GALNT7: variants seen among roughly 807,000 people sequenced by gnomAD.
GALNT7 encodes the protein polypeptide N-acetylgalactosaminyltransferase 7.
GALNT7 carries 60 observed loss-of-function variants against 82.1 expected under a neutral mutation model. That is an observed-to-expected ratio of 0.73 (90% confidence interval 0.59 to 0.91). The LOEUF is 0.91. Ranked by LOEUF, GALNT7 falls within the 40% of genes least tolerant of loss-of-function variation. The probability of loss-of-function intolerance (pLI) is 0.00; values close to 1 mark genes in which losing one functional copy is unlikely to be tolerated. For missense variants in GALNT7, 660 were observed against 804.2 expected, an observed-to-expected ratio of 0.82 and a Z score of 2.17; for synonymous variants, 243 against 275.1, an observed-to-expected ratio of 0.88 and a Z score of 1.15.
At chr4:173,261,347 G>A (rs1735251949) in intron 2 of GALNT7, among the ~76,000 whole-genome samples, 1 of 152,010 alleles carries the variant, frequency 6.6e-6, no homozygotes, top group East Asian at 1.9e-4. Context: ...GACAAGGGAA[G>A]GGTGTGCAAA....
chr4:173,248,491 A>T (rs1383710428), intron 2 of GALNT7, 51 bp downstream of exon 2: 3 of 1,086,848 alleles, frequency 2.8e-6, no homozygotes, highest in Non-Finnish European at 4.0e-6. Flanking sequence ...TTGTTTTCAT[A>T]GGTTTTTAGG....
At chr4:173,295,277 C>G in intron 3 of GALNT7, 119 bp from the exon 4 acceptor site, 1 of 682,384 alleles carries the variant, frequency 1.5e-6, no homozygotes, top group Non-Finnish European at 2.6e-6. Context: ...AACGTGCAAT[C>G]TGGTCCATGT....
rs1737754742 is a variant in GALNT7, at chr4:173,320,173, A to C, written c.1837-1407A>C. On this transcript the variant is annotated intron_variant, in intron 11 of 11. Transcript: ENST00000265000. This position sits in a 1 kb window ranked among gnomAD's most constrained non-coding sequence, Gnocchi z 4.1. ...AACGTGAGGTATGGACTGATGAAGC[A>C]ACGAGATCAGCTTGAGCAGCAGTTC... Among the ~76,000 whole-genome samples the C allele has an allele frequency of 6.6e-6, 1 of 152,092 alleles. No individual in the cohort carries two copies. Among genetic ancestry groups the C allele is most frequent in the Admixed American group, 6.6e-5 (1 of 15,252 alleles).
intron 2 of GALNT7, among the ~76,000 whole-genome samples, chr4:173,262,329 T>C (rs1735305688): frequency 6.6e-6 from 1 of 152,254 alleles, no homozygotes; most frequent in South Asian, 2.1e-4. Context: ...TCTTGCACTT[T>C]AACAGGACAT....
chr4:173,245,841 C>T (rs1416951637), intron 1 of GALNT7, among the ~76,000 whole-genome samples: 1 of 152,260 alleles, frequency 6.6e-6, no homozygotes, highest in East Asian at 1.9e-4. Context: ...TTCAGTTCTT[C>T]CTGAATATGA....
chr4:173,308,121 C>T lies in GALNT7; in HGVS notation c.1389+4003C>T, dbSNP rs192041163. Among the ~76,000 whole-genome samples the T allele has an allele frequency of 1.9e-4, 29 of 152,294 alleles. 1 individual carries two copies. In the South Asian group the frequency reaches 2.5e-3, roughly 13 times the overall value. On this transcript the variant is annotated intron_variant, in intron 8 of 11. Transcript: ENST00000265000. ...GATCCTGTCCTATGTAGATATTCTT[C>T]GTTTCTTTTCCTCCATTGTGTTGCT... is the stretch of plus-strand genomic sequence containing the variant.
chr4:173,274,429 G>A (rs1352642559), intron 2 of GALNT7, among the ~76,000 whole-genome samples: 5 of 152,106 alleles, frequency 3.3e-5, no homozygotes, highest in Non-Finnish European at 1.5e-5. Context: ...CCTGTATGTT[G>A]TTTAAGCATA....
intron 2 of GALNT7, among the ~76,000 whole-genome samples, chr4:173,267,737 G>A (rs1358254103): frequency 6.6e-6 from 1 of 152,152 alleles, no homozygotes; most frequent in African/African-American, 2.4e-5. Context: ...GAGCATTTAG[G>A]GAGCTTTGGT....
At chr4:173,195,108 T>A (rs576129019) in intron 1 of GALNT7, among the ~76,000 whole-genome samples, 2 of 152,330 alleles carry the variant, frequency 1.3e-5, no homozygotes, top group South Asian at 4.2e-4. Flanking sequence ...TTCCTTTAAT[T>A]TCAAGACCCA....
chr4:173,274,831 G>A (rs779794682), intron 2 of GALNT7, among the ~76,000 whole-genome samples: 2 of 152,102 alleles, frequency 1.3e-5, no homozygotes, highest in Non-Finnish European at 2.9e-5. Flanking sequence ...ACTAGTTCTG[G>A]GAGTCAGCCG....
At chr4:173,197,108 A>G (rs988939025) in intron 1 of GALNT7, among the ~76,000 whole-genome samples, 1 of 127,598 alleles carries the variant, frequency 7.8e-6, no homozygotes, top group Non-Finnish European at 1.6e-5. Context: ...AGTAACTATC[A>G]TTTGGGGTTG....
At chr4:173,170,662 T>C (rs1211199611) in intron 1 of GALNT7, among the ~76,000 whole-genome samples, 2 of 152,228 alleles carry the variant, frequency 1.3e-5, no homozygotes, top group East Asian at 3.8e-4. Context: ...ATATGACTTA[T>C]TGACAAAGGA....
At chr4:173,204,749 G>A (rs1033778611) in intron 1 of GALNT7, among the ~76,000 whole-genome samples, 28 of 152,078 alleles carry the variant, frequency 1.8e-4, no homozygotes, top group African/African-American at 6.0e-4. Flanking sequence ...CTGCATTTAA[G>A]TTTCCTTAAA....
chr4:173,181,295 G>T (rs1434557564), intron 1 of GALNT7, among the ~76,000 whole-genome samples: 1 of 152,164 alleles, frequency 6.6e-6, no homozygotes, highest in African/African-American at 2.4e-5. Context: ...GTTAACTGTT[G>T]CTCCCTGTGT....
intron 2 of GALNT7, among the ~76,000 whole-genome samples, chr4:173,259,587 T>A (rs565397790): frequency 6.6e-6 from 1 of 152,158 alleles, no homozygotes; most frequent in Non-Finnish European, 1.5e-5. Context: ...TTAAACTCAT[T>A]CTCCTCTTGA....
At chr4:173,187,324 A>AT (rs941301455) in intron 1 of GALNT7, among the ~76,000 whole-genome samples, 3 of 150,970 alleles carry the variant, frequency 2.0e-5, no homozygotes, top group Non-Finnish European at 4.4e-5. Context: ...TAGATTTGTA[A>AT]TTTTTTTTAA....
chr4:173,208,235 G>A (rs1354652902), intron 1 of GALNT7, among the ~76,000 whole-genome samples: 2 of 151,684 alleles, frequency 1.3e-5, no homozygotes, highest in Admixed American at 6.6e-5. Flanking sequence ...GTATAATCAT[G>A]CTGTTTTCTT....
chr4:173,319,506 G>A (rs984000157), intron 11 of GALNT7, among the ~76,000 whole-genome samples: 2 of 151,728 alleles, frequency 1.3e-5, no homozygotes, highest in Non-Finnish European at 2.9e-5. Flanking sequence ...AAACCTTAAA[G>A]AGTGGAGCAT....
At chr4:173,298,025 C>CT (rs762978643) in intron 5 of GALNT7, 90 bp from the exon 6 acceptor site, 6,007 of 1,384,408 alleles carry the variant, frequency 4.3e-3, no homozygotes, top group South Asian at 5.9e-3. Context: ...TATCTAAGTT[C>CT]TTTTTTTTTT....
Sources: gnomAD v4.1 joint callset for allele counts (sites outside exome capture counted in the v4.1 genomes callset) on GRCh38, gnomAD v4.1.1 for gene constraint, Gnocchi (gnomAD v3.1) non-coding constraint, MANE v1.5 for transcripts, NCBI Gene and HGNC (gene_info 2026-07-23, HGNC 2026-07-21) for gene names.